STOX2: variants seen among roughly 807,000 people sequenced by gnomAD.
The protein encoded by STOX2 is storkhead-box protein 2.
In STOX2, 28 loss-of-function variants were observed where a neutral mutation model predicts 60.9. The ratio of observed to expected loss-of-function variants is 0.46; its 90% CI spans 0.34 to 0.63. The LOEUF is 0.63. Among genes scored for constraint, STOX2 ranks in the 30% least tolerant of loss-of-function variants. The pLI, the probability that STOX2 is intolerant of heterozygous loss-of-function variation, is 0.01. For missense variants in STOX2, 1,024 were observed against 1,187.7 expected, an observed-to-expected ratio of 0.86 and a Z score of 2.03; for synonymous variants, 472 against 463.9, an observed-to-expected ratio of 1.02 and a Z score of -0.22.
chr4:183,943,968 T>C (rs4861584), intron 1 of STOX2, among the ~76,000 whole-genome samples: 34,750 of 152,126 alleles, frequency 0.23, 7,497 homozygotes, highest in African/African-American at 0.55. Flanking sequence ...CTGTGCTAGG[T>C]GCTGTGGATT....
rs184813534 is a variant in STOX2, at chr4:183,948,798, C to T, written c.166+41842C>T. On this transcript the variant is annotated intron_variant, in intron 1 of 3. Coordinates refer to ENST00000308497, the MANE Select transcript of STOX2 (RefSeq NM_020225.3). ...TCACCCGCCTCAGCCTCCCAAAGTG[C>T]TGGGATTACAGGCGTGAGCCACTGT... Among the ~76,000 whole-genome samples, 119 of 152,250 alleles carry T rather than the reference C, an allele frequency of 7.8e-4. No homozygotes were observed. The Middle Eastern group carries it at 0.01, about 13-fold the overall frequency.
At chr4:183,933,577 C>T (rs1048640389) in intron 1 of STOX2, among the ~76,000 whole-genome samples, 4 of 152,016 alleles carry the variant, frequency 2.6e-5, no homozygotes, top group African/African-American at 4.8e-5. Flanking sequence ...TTAGTAGAGA[C>T]GGGGTTTCGC....
chr4:184,013,293 A>G (rs867797801), intron 3 of STOX2, among the ~76,000 whole-genome samples: 6 of 152,224 alleles, frequency 3.9e-5, no homozygotes, highest in Admixed American at 6.5e-5. Flanking sequence ...CAGTATCTCT[A>G]CAGAATATAT....
chr4:183,824,448 A>G (rs1739375981), intron 1 of STOX2, among the ~76,000 whole-genome samples: 1 of 152,186 alleles, frequency 6.6e-6, no homozygotes, highest in Non-Finnish European at 1.5e-5. Context: ...GGAGAGAGGG[A>G]AATGGAACGG....
rs749513047 is a variant in STOX2 at position 184,011,440 on chromosome 4, C to G, written c.2585+17C>G. The G allele has an allele frequency of 6.2e-7, 1 of 1,604,312 alleles. No individual in the cohort carries two copies. The highest frequency in any genetic ancestry group is 8.5e-7 in the Non-Finnish European group (1 of 1,174,908). ...CTCCCCACGGTAGGGAGAGGTGTCT[C>G]TGTGCACACACATGCGCCTAGCGGG... On this transcript the variant is annotated intron_variant, in intron 3 of 3. Transcript: ENST00000308497. The surrounding 1 kb of genome is among the most constrained non-coding windows in gnomAD (Gnocchi z 4.4).
intron 1 of STOX2, among the ~76,000 whole-genome samples, chr4:183,949,872 A>G (rs956355631): frequency 6.6e-6 from 1 of 151,954 alleles, no homozygotes; most frequent in Non-Finnish European, 1.5e-5. Flanking sequence ...TTCTGCTTTG[A>G]TGTGTGGATG....
At position 183,941,434 on chromosome 4, in the gene STOX2, G is replaced by C. The variant is rs532806393; in HGVS notation, c.166+34478G>C. Among the ~76,000 whole-genome samples the C allele has an allele frequency of 1.3e-3, 192 of 152,288 alleles. 2 individuals are homozygous for C. The highest frequency in any genetic ancestry group is 7.7e-3 in the South Asian group (37 of 4,816). The stretch of plus-strand genomic sequence containing the variant: ...AATACAAAAATTAGCCAGGCGTGGT[G>C]GTGGGTGCCTGTAATCCCAGCTACT... On this transcript the variant is annotated intron_variant, in intron 1 of 3. Coordinates refer to ENST00000308497, the MANE Select transcript of STOX2 (RefSeq NM_020225.3).
chr4:183,846,516 A>G (rs73012633), intron 1 of STOX2, among the ~76,000 whole-genome samples: 198 of 152,016 alleles, frequency 1.3e-3, no homozygotes, highest in African/African-American at 4.7e-3. Context: ...AAGTTTGCTG[A>G]TTCTTTCTTC....
intron 1 of STOX2, among the ~76,000 whole-genome samples, chr4:184,000,270 G>C (rs1033090136): frequency 6.6e-6 from 1 of 152,174 alleles, no homozygotes; most frequent in African/African-American, 2.4e-5. Flanking sequence ...GTGGTATAAA[G>C]ACTTGAGAAA....
intron 1 of STOX2, among the ~76,000 whole-genome samples, chr4:183,929,702 A>G (rs1361795205): frequency 2.6e-5 from 4 of 152,188 alleles, no homozygotes; most frequent in Non-Finnish European, 5.9e-5. Context: ...AAAAAGGACC[A>G]TTTAGCAGTA....
At chr4:183,873,446 C>CAA (rs11453864) in intron 1 of STOX2, among the ~76,000 whole-genome samples, 2,239 of 112,116 alleles carry the variant, frequency 0.02, 66 homozygotes, top group African/African-American at 0.064. Context: ...AACTCTGTCT[C>CAA]AAAAAAAAAA....
chr4:183,874,841 GC>G (rs1740776492), intron 1 of STOX2, among the ~76,000 whole-genome samples: 1 of 145,814 alleles, frequency 6.9e-6, no homozygotes, highest in Non-Finnish European at 1.5e-5. Context: ...CAGGAGAATG[GC>G]GTGAACCCAG....
At chr4:184,013,681 AAAGG>A (rs1162917158) in intron 3 of STOX2, among the ~76,000 whole-genome samples, 1 of 152,252 alleles carries the variant, frequency 6.6e-6, no homozygotes, top group African/African-American at 2.4e-5. Context: ...AATGTTCTGC[AAAGG>A]AAAGTATTTG....
chr4:183,982,721 A>G (rs548998654), intron 1 of STOX2, among the ~76,000 whole-genome samples: 4 of 152,314 alleles, frequency 2.6e-5, no homozygotes, highest in African/African-American at 7.2e-5. Context: ...CATTTCTGAT[A>G]GCATTGCAGT....
intron 1 of STOX2, among the ~76,000 whole-genome samples, chr4:183,949,173 A>C (rs1742992879): frequency 6.6e-6 from 1 of 152,198 alleles, no homozygotes; most frequent in Non-Finnish European, 1.5e-5. Flanking sequence ...AACGAAGATT[A>C]GGCACTAAAT....
chr4:183,977,221 A>G (rs930237215), intron 1 of STOX2, among the ~76,000 whole-genome samples: 1 of 151,824 alleles, frequency 6.6e-6, no homozygotes, highest in African/African-American at 2.4e-5. Flanking sequence ...CTACCCTCCT[A>G]CTCTGAAAGA....
chr4:183,816,578 A>G (rs1739159361), intron 1 of STOX2, among the ~76,000 whole-genome samples: 1 of 152,192 alleles, frequency 6.6e-6, no homozygotes, highest in African/African-American at 2.4e-5. Context: ...GTTCACCAGA[A>G]GCTCAAACTT....
At chr4:184,002,283 G>C (rs1361301367) in intron 2 of STOX2, among the ~76,000 whole-genome samples, 2 of 152,252 alleles carry the variant, frequency 1.3e-5, no homozygotes, top group Admixed American at 6.5e-5. Context: ...CGGGCTACCA[G>C]TTTGCCAACT....
intron 1 of STOX2, among the ~76,000 whole-genome samples, chr4:183,949,334 TTC>T (rs529675893): frequency 1.3e-3 from 200 of 151,524 alleles, no homozygotes; most frequent in African/African-American, 4.5e-3. Context: ...GTAGCATTTT[TTC>T]TCTTTTTGTC....
Sources: allele counts gnomAD v4.1 joint callset (sites outside exome capture counted in the v4.1 genomes callset), GRCh38; gene constraint gnomAD v4.1.1; non-coding constraint Gnocchi (gnomAD v3.1); transcripts MANE v1.5; gene names NCBI Gene and HGNC (gene_info 2026-07-23, HGNC 2026-07-21).